The following VAMP5 variants were observed in gnomAD, a reference collection of about 807,000 sequenced individuals.
VAMP5 encodes vesicle-associated membrane protein 5.
In VAMP5, 10 loss-of-function variants were observed where a neutral mutation model predicts 8.1. The ratio of observed to expected loss-of-function variants is 1.23; its 90% CI spans 0.76 to 2.09. VAMP5 has a LOEUF of 2.09. Ranked by LOEUF, VAMP5 falls within the 30% of genes most tolerant of loss-of-function variation. The pLI, the probability that VAMP5 is intolerant of heterozygous loss-of-function variation, is 0.00. For missense variants in VAMP5, 135 were observed against 152.5 expected (o/e 0.89, Z 0.60); for synonymous variants, 62 against 60.6 (o/e 1.02, Z -0.11).
In VAMP5 at chr2:85,591,746, T is replaced by TG. The variant is rs1558825304; in HGVS notation, c.26dup (p.Cys9TrpfsTer14). On this transcript the variant is annotated frameshift_variant, in exon 2 of 3. Coordinates refer to ENST00000306384, the MANE Select transcript of VAMP5 (RefSeq NM_006634.3). LOFTEE classifies it high-confidence loss of function. The stretch of plus-strand genomic sequence containing the variant: ...CCAGGCAGGAATAGAGTTGGAGCGG[T>TG]GCCAGCAGCAGGCGAACGAGGTGAC... 1 of 1,613,990 alleles carries TG rather than the reference T, an allele frequency of 6.2e-7. No individual in the cohort carries two copies. The highest frequency in any genetic ancestry group is 1.7e-5 in the Admixed American group (1 of 60,006).
At chr2:85,592,680 AG>A (rs1402157451) in intron 2 of VAMP5, among the ~76,000 whole-genome samples, 1 of 152,002 alleles carries the variant, frequency 6.6e-6, no homozygotes, top group South Asian at 2.1e-4. Flanking sequence ...GTGCACCTGT[AG>A]TCCCAGCTAC....
intron 1 of VAMP5, 148 bp from the exon 2 acceptor site, chr2:85,591,577 T>C (rs1672537707): frequency 8.1e-7 from 1 of 1,238,636 alleles, no homozygotes; most frequent in Non-Finnish European, 1.1e-6. Flanking sequence ...AGACCTTCAC[T>C]CCGCACACAT....
chr2:85,587,513 A>G (rs908031881), intron 1 of VAMP5, among the ~76,000 whole-genome samples: 4 of 151,864 alleles, frequency 2.6e-5, no homozygotes, highest in Admixed American at 1.3e-4. Context: ...CGGCCTCCCA[A>G]AGTGCTGGGA....
rs143719255 is a variant in VAMP5, at chr2:85,592,946, A to G, written c.142-2A>G. ...CCACTTTGTGTCTGGGGGTATCCGC[A>G]GAGCTCAACCTTCAACAAGACTACA... On this transcript the variant is annotated splice_acceptor_variant, in intron 2 of 2. Coordinates refer to ENST00000306384, the MANE Select transcript of VAMP5 (RefSeq NM_006634.3). LOFTEE classifies it high-confidence loss of function. 483 of 1,613,398 alleles carry G rather than the reference A, an allele frequency of 3.0e-4. 2 individuals carry two copies. Among genetic ancestry groups the G allele is most frequent in the Non-Finnish European group, 5.5e-5 (65 of 1,179,920 alleles).
At position 85,591,860 on chromosome 2, in the gene VAMP5, A is replaced by G. The variant is rs979395528; in HGVS notation, c.139A>G (p.Met47Val). The G allele has an allele frequency of 1.9e-6, 3 of 1,614,062 alleles. No individual in the cohort carries two copies. Among genetic ancestry groups the G allele is most frequent in the Non-Finnish European group, 2.5e-6 (3 of 1,179,990 alleles). ...GCAGCGTTCAGACCAACTCCTGGAT[A>G]TGGTGTGAGGCCTGGGGGAGCATGG... ...LQQRSDQLLDMSSTFNKTTQN... is the reference protein window; with the variant it reads ...LQQRSDQLLDVSSTFNKTTQN... The change falls in exon 2 of 3, where the codon ATG (methionine) becomes GTG (valine). Residue 47 changes from methionine to valine, a missense_variant and splice_region_variant. Physicochemically the swap from Met to Val is conservative, Grantham distance 21 (BLOSUM62 1). Transcript: ENST00000306384.
At chr2:85,590,807 C>A (rs1341152756) in intron 1 of VAMP5, among the ~76,000 whole-genome samples, 3 of 152,184 alleles carry the variant, frequency 2.0e-5, no homozygotes, top group Non-Finnish European at 4.4e-5. Flanking sequence ...ATACCAGGGC[C>A]TCCTGCCTGG....
rs1672579126 is a variant in VAMP5, at chr2:85,593,349, G to C, written c.*192G>C. On this transcript the variant is annotated 3_prime_UTR_variant, in exon 3 of 3. Transcript: ENST00000306384. ...CAGCCTGCTGTACTGGCCATGCTGG[G>C]CCAGCCCCACCTGGAGCTCAGTAAA... is the stretch of plus-strand genomic sequence containing the variant. 3.2e-6 allele frequency: 2 copies of C among 634,580 alleles called. No individual in the cohort carries two copies. The highest frequency in any genetic ancestry group is 5.5e-6 in the Non-Finnish European group (2 of 364,400). 39.3% of individuals were successfully genotyped at this position (634,580 alleles called of 1,614,324 possible). A position where few individuals can be genotyped will look rare whatever the true frequency, so the allele number is the denominator to read the frequency against.
At chr2:85,585,365 A>G (rs1018344252) in intron 1 of VAMP5, among the ~76,000 whole-genome samples, 1 of 152,210 alleles carries the variant, frequency 6.6e-6, no homozygotes, top group African/African-American at 2.4e-5. Flanking sequence ...TGGTGCTTTA[A>G]GATTTTGCCT....
At chr2:85,585,361 T>A (rs923223688) in intron 1 of VAMP5, among the ~76,000 whole-genome samples, 45 of 152,206 alleles carry the variant, frequency 3.0e-4, no homozygotes, top group Admixed American at 3.3e-4. Flanking sequence ...GGCTTGGTGC[T>A]TTAAGATTTT....
Position 85,591,752 on chromosome 2 carries a change from C to G in VAMP5, c.31C>G (p.Gln11Glu). 6.2e-7 allele frequency: 1 copy of G among 1,614,134 alleles called. No individual in the cohort carries two copies. The highest frequency in any genetic ancestry group is 8.5e-7 in the Non-Finnish European group (1 of 1,180,012). MAGIELERCQ[Q>E]QANEVTEIMR... ...AGGAATAGAGTTGGAGCGGTGCCAG[C>G]AGCAGGCGAACGAGGTGACGGAAAT... The change falls in exon 2 of 3, where the codon CAG (glutamine) becomes GAG (glutamate). Residue 11 changes from glutamine (Q) to glutamate (E), a missense_variant. Transcript: ENST00000306384.
intron 1 of VAMP5, chr2:85,591,510 A>C: frequency 1.6e-6 from 1 of 627,094 alleles, no homozygotes; most frequent in Non-Finnish European, 2.7e-6. Context: ...CCCTGCCTTG[A>C]CGTGCAAGGG....
Position 85,584,502 on chromosome 2 carries a change from C to T in VAMP5, c.3+9C>T. 1 of 1,239,774 alleles carries T rather than the reference C, an allele frequency of 8.1e-7. No individual in the cohort carries two copies. The highest frequency in any genetic ancestry group is 1.0e-6 in the Non-Finnish European group (1 of 992,306). 76.8% of individuals were successfully genotyped at this position (1,239,774 alleles called of 1,614,324 possible). On this transcript the variant is annotated intron_variant, in intron 1 of 2. Coordinates refer to ENST00000306384, the MANE Select transcript of VAMP5 (RefSeq NM_006634.3). ...CGGCGGCAGCAGCGATGGTGAGGGC[C>T]CAGGCGGGGCCGGCCAGCCCTGCGA...
At chr2:85,590,787 C>T (rs1396816967) in intron 1 of VAMP5, among the ~76,000 whole-genome samples, 1 of 152,212 alleles carries the variant, frequency 6.6e-6, no homozygotes, top group Non-Finnish European at 1.5e-5. Flanking sequence ...TGCTCCTAGG[C>T]TTCTGGCTTA....
In VAMP5 at chr2:85,591,840, G is replaced by T. The variant is rs202047163; in HGVS notation, c.119G>T (p.Arg40Leu). The T allele has an allele frequency of 1.2e-6, 2 of 1,614,024 alleles. No individual in the cohort carries two copies. Among genetic ancestry groups the T allele is most frequent in the African/African-American group, 2.7e-5 (2 of 74,910 alleles). The change falls in exon 2 of 3, where the codon CGT (arginine) becomes CTT (leucine). Residue 40 changes from arginine (R) to leucine (L), a missense_variant. Transcript: ENST00000306384. ...RGVKLAELQQRSDQLLDMSST... is the reference protein window; with the variant it reads ...RGVKLAELQQLSDQLLDMSST... Reference sequence around the variant, plus strand: ...GTGAAGCTGGCCGAACTGCAGCAGCGTTCAGACCAACTCCTGGATATGGTG... The same window carrying T: ...GTGAAGCTGGCCGAACTGCAGCAGCTTTCAGACCAACTCCTGGATATGGTG...
chr2:85,585,994 G>A (rs529280551), intron 1 of VAMP5, among the ~76,000 whole-genome samples: 1 of 152,232 alleles, frequency 6.6e-6, no homozygotes, highest in Non-Finnish European at 1.5e-5. Flanking sequence ...GAAATGGAAT[G>A]AATAATTACT....
At chr2:85,587,769 A>G (rs1183502840) in intron 1 of VAMP5, among the ~76,000 whole-genome samples, 1 of 152,200 alleles carries the variant, frequency 6.6e-6, no homozygotes, top group African/African-American at 2.4e-5. Context: ...TCATATCCTC[A>G]GTCTCAGTCA....
At chr2:85,584,614 C>G (rs1476544498) in intron 1 of VAMP5, 121 bp downstream of exon 1, 1 of 1,167,970 alleles carries the variant, frequency 8.6e-7, no homozygotes, top group Non-Finnish European at 1.1e-6. Flanking sequence ...AGGGCCAGAC[C>G]TGAGGCGGTG....
In VAMP5 at chr2:85,591,755, C is replaced by T; in HGVS notation, c.34C>T (p.Gln12Ter). 6.2e-7 allele frequency: 1 copy of T among 1,614,132 alleles called. No homozygotes were observed. The highest frequency in any genetic ancestry group is 1.1e-5 in the South Asian group (1 of 91,074). The stretch of plus-strand genomic sequence containing the variant: ...AATAGAGTTGGAGCGGTGCCAGCAG[C>T]AGGCGAACGAGGTGACGGAAATTAT... ...AGIELERCQQ[Q>*]ANEVTEIMRN... Residue 12 changes from glutamine (Q) to a stop codon, truncating the protein, a stop_gained, in exon 2 of 3, where the codon CAG becomes TAG. Transcript: ENST00000306384. LOFTEE classifies it high-confidence loss of function.
chr2:85,587,850 G>A (rs762090690), intron 1 of VAMP5, among the ~76,000 whole-genome samples: 60 of 152,208 alleles, frequency 3.9e-4, no homozygotes, highest in Non-Finnish European at 6.0e-4. Flanking sequence ...CCTAGTCTCT[G>A]AGCTGAGTGC....
Sources: gnomAD v4.1 joint callset for allele counts (sites outside exome capture counted in the v4.1 genomes callset) on GRCh38, gnomAD v4.1.1 for gene constraint, MANE v1.5 for transcripts, NCBI Gene and HGNC (gene_info 2026-07-23, HGNC 2026-07-21) for gene names.